The following ANKRD45 variants were observed in gnomAD, a reference collection of about 807,000 sequenced individuals.
ANKRD45 encodes the protein ankyrin repeat domain 45.
ANKRD45 carries 21 observed loss-of-function variants against 28.1 expected under a neutral mutation model. That is an observed-to-expected ratio of 0.75 (90% confidence interval 0.53 to 1.08). The LOEUF (loss-of-function observed/expected upper bound fraction) is 1.08, where lower values mean the gene tolerates loss of function less well. Among genes scored for constraint, ANKRD45 ranks in the 50% least tolerant of loss-of-function variants. ANKRD45 has a pLI of 0.00. For synonymous variants in ANKRD45, 86 were observed against 103.9 expected, an observed-to-expected ratio of 0.83 and a Z score of 1.05; for missense variants, 261 against 308.7, an observed-to-expected ratio of 0.85 and a Z score of 1.16.
chr1:173,634,219 A>G (rs1391738937), intron 3 of ANKRD45, among the ~76,000 whole-genome samples: 2 of 152,092 alleles, frequency 1.3e-5, no homozygotes, highest in Non-Finnish European at 2.9e-5. Context: ...AAACCAGTAT[A>G]TGAAAAGGTG....
chr1:173,666,410 G>A (rs1382834440), intron 1 of ANKRD45, among the ~76,000 whole-genome samples: 2 of 152,070 alleles, frequency 1.3e-5, no homozygotes, highest in African/African-American at 4.8e-5. Context: ...GATTGATTCA[G>A]GAACCCTCCA....
chr1:173,662,028 G>T (rs1669798379), intron 1 of ANKRD45, among the ~76,000 whole-genome samples: 2 of 152,128 alleles, frequency 1.3e-5, no homozygotes, highest in South Asian at 4.1e-4. Context: ...CCAAAGCAGG[G>T]GTAAAAGGCC....
chr1:173,710,384 G>C, the ANKRD45 span, among the ~76,000 whole-genome samples: 1 of 152,186 alleles, frequency 6.6e-6, no homozygotes, highest in Admixed American at 6.5e-5. Context: ...ATGTGGAACA[G>C]GTCCAAGCAG....
At position 173,609,308 on chromosome 1, in the gene ANKRD45, C is replaced by A. The variant is rs992442647; in HGVS notation, c.*837G>T. 6.6e-6 allele frequency among the ~76,000 whole-genome samples: 1 copy of A among 152,134 alleles called. No individual in the cohort carries two copies. Among genetic ancestry groups the A allele is most frequent in the Non-Finnish European group, 1.5e-5 (1 of 68,020 alleles). On this transcript the variant is annotated 3_prime_UTR_variant, in exon 6 of 6. Coordinates refer to ENST00000333279, the MANE Select transcript of ANKRD45 (RefSeq NM_198493.3). ...TCAGAACAGGACAAAGAAGAGAAAG[C>A]CATAAGAACGAACAATAAGTGCTTT... is the stretch of plus-strand genomic sequence containing the variant.
chr1:173,639,656 G>C (rs1274149439), intron 3 of ANKRD45, among the ~76,000 whole-genome samples: 1 of 152,146 alleles, frequency 6.6e-6, no homozygotes, highest in Non-Finnish European at 1.5e-5. Flanking sequence ...AAGTCATAAA[G>C]AAATCACCTC....
chr1:173,644,610 C>CA (rs1359554378), intron 3 of ANKRD45, among the ~76,000 whole-genome samples: 8 of 152,098 alleles, frequency 5.3e-5, no homozygotes, highest in African/African-American at 1.9e-4. Flanking sequence ...CCATAAGCCC[C>CA]AAAAAATTTT....
chr1:173,675,154 T>C, the ANKRD45 span, among the ~76,000 whole-genome samples: 5 of 152,064 alleles, frequency 3.3e-5, no homozygotes, highest in Non-Finnish European at 5.9e-5. Flanking sequence ...TGTACGTAAA[T>C]AGGTTGCTAT....
chr1:173,618,015 GCCATC>G (rs1667539645), intron 5 of ANKRD45, among the ~76,000 whole-genome samples: 1 of 152,120 alleles, frequency 6.6e-6, no homozygotes, highest in Non-Finnish European at 1.5e-5. Context: ...GCTTTCTGGA[GCCATC>G]CCCCAGCAAA....
chr1:173,631,710 A>G (rs1325744734), intron 3 of ANKRD45, among the ~76,000 whole-genome samples: 1 of 152,208 alleles, frequency 6.6e-6, no homozygotes, highest in Non-Finnish European at 1.5e-5. Flanking sequence ...AGCACATAGA[A>G]ATTAAACAGT....
chr1:173,682,684 T>TACACACAC, the ANKRD45 span, among the ~76,000 whole-genome samples: 2,511 of 143,990 alleles, frequency 0.017, 80 homozygotes, highest in African/African-American at 0.061. Context: ...GCCTTTTAAA[T>TACACACAC]ACACACACAC....
At chr1:173,654,260 C>T (rs967213232) in intron 2 of ANKRD45, among the ~76,000 whole-genome samples, 30 of 152,098 alleles carry the variant, frequency 2.0e-4, no homozygotes, top group Non-Finnish European at 3.7e-4. Context: ...ATGTTTAGTG[C>T]TTCCTTCAGG....
chr1:173,678,026 A>C, the ANKRD45 span, among the ~76,000 whole-genome samples: 1 of 152,188 alleles, frequency 6.6e-6, no homozygotes, highest in Admixed American at 6.5e-5. Flanking sequence ...GCTGAACATG[A>C]GTTGAAAGAG....
intron 3 of ANKRD45, chr1:173,635,927 G>A: frequency 9.3e-7 from 1 of 1,080,230 alleles, no homozygotes; most frequent in Non-Finnish European, 1.3e-6. Flanking sequence ...TTGAGAGAGG[G>A]TACCGTGTTT....
the ANKRD45 span, among the ~76,000 whole-genome samples, chr1:173,677,916 A>T: frequency 6.6e-6 from 1 of 152,218 alleles, no homozygotes; most frequent in African/African-American, 2.4e-5. Context: ...AGTGTACAGG[A>T]TATTATGTTG....
At chr1:173,699,499 G>C in the ANKRD45 span, among the ~76,000 whole-genome samples, 1 of 152,006 alleles carries the variant, frequency 6.6e-6, no homozygotes, top group Non-Finnish European at 1.5e-5. Context: ...TCAACCCTGG[G>C]ATGCAAGGCT....
chr1:173,627,308 C>CA, intron 3 of ANKRD45, 149 bp from the exon 4 acceptor site: 2 of 614,226 alleles, frequency 3.3e-6, no homozygotes, highest in East Asian at 2.7e-5. Flanking sequence ...ACATGAGAAC[C>CA]AAAAATCAGG....
chr1:173,653,196 T>A (rs1164314997), intron 2 of ANKRD45, among the ~76,000 whole-genome samples: 2 of 152,248 alleles, frequency 1.3e-5, no homozygotes, highest in Admixed American at 6.5e-5. Context: ...TGTTAGGGTG[T>A]TAATTTTAGA....
chr1:173,630,619 C>T (rs1369406917), intron 3 of ANKRD45, among the ~76,000 whole-genome samples: 5 of 146,764 alleles, frequency 3.4e-5, no homozygotes, highest in Non-Finnish European at 6.2e-5. Flanking sequence ...GAGGCCAAAG[C>T]GGGCGATCAC....
the ANKRD45 span, among the ~76,000 whole-genome samples, chr1:173,702,717 CTTTTTT>C: frequency 5.9e-5 from 7 of 119,080 alleles, no homozygotes; most frequent in Non-Finnish European, 1.0e-4. Context: ...TCTGTGTCCT[CTTTTTT>C]TTTTTTTTTT....
Sources: gnomAD v4.1 joint callset for allele counts (sites outside exome capture counted in the v4.1 genomes callset) on GRCh38, gnomAD v4.1.1 for gene constraint, MANE v1.5 for transcripts, NCBI Gene and HGNC (gene_info 2026-07-23, HGNC 2026-07-21) for gene names.